Variants in IL7 observed in about 807,000 individuals in gnomAD.
The protein encoded by IL7 is interleukin-7.
Under a neutral mutation model 21.6 loss-of-function variants are expected in IL7, and 3 were observed. The ratio of observed to expected loss-of-function variants is 0.14; its 90% CI spans 0.06 to 0.36. IL7 has a LOEUF of 0.36. IL7 is among the 10% of genes least tolerant of loss of function. The pLI is 1.00. For synonymous variants in IL7, 62 were observed against 68.1 expected (o/e 0.91, Z 0.44); for missense variants, 175 against 200.2 (o/e 0.87, Z 0.76).
chr8:78,745,341 C>T (rs546075847), intron 2 of IL7, among the ~76,000 whole-genome samples: 2 of 152,254 alleles, frequency 1.3e-5, no homozygotes, highest in African/African-American at 4.8e-5. Flanking sequence ...CACACAATTT[C>T]GTTTTGTGTG....
chr8:78,764,145 A>G (rs1252947001), intron 2 of IL7, among the ~76,000 whole-genome samples: 1 of 152,112 alleles, frequency 6.6e-6, no homozygotes, highest in African/African-American at 2.4e-5. Context: ...AACATTCAAC[A>G]CCCATTCATG....
rs191767044 is a variant in IL7 at position 78,785,121 on chromosome 8, C to T, written c.147+12951G>A. Among the ~76,000 whole-genome samples the T allele has an allele frequency of 6.6e-5, 10 of 152,152 alleles. No individual in the cohort carries two copies. The East Asian group carries it at 1.9e-3, about 30-fold the overall frequency. ...ATTTCCACCTTTAGAATTATTCTTC[C>T]TTGCTCTTGAAATTCAGTCACTTTT... On this transcript the variant is annotated intron_variant, in intron 2 of 5. Transcript: ENST00000263851.
chr8:78,763,229 G>A (rs529544037), intron 2 of IL7, among the ~76,000 whole-genome samples: 2 of 152,268 alleles, frequency 1.3e-5, no homozygotes, highest in East Asian at 1.9e-4. Context: ...TAATCTTCAC[G>A]CCCCCAGCCT....
At chr8:78,692,459 C>T (rs1321493024) in intron 3 of IL7, among the ~76,000 whole-genome samples, 1 of 152,158 alleles carries the variant, frequency 6.6e-6, no homozygotes, top group African/African-American at 2.4e-5. Flanking sequence ...CATGTTTTCT[C>T]TTTCTTTGCT....
intron 2 of IL7, among the ~76,000 whole-genome samples, chr8:78,772,553 C>T (rs781178891): frequency 6.6e-6 from 1 of 152,028 alleles, no homozygotes. Flanking sequence ...CACAGTAAGT[C>T]CTCATCTAAC....
At chr8:78,689,498 T>C in intron 3 of IL7, 1 of 807,088 alleles carries the variant, frequency 1.2e-6, no homozygotes, top group Admixed American at 4.0e-5. Flanking sequence ...ATATATAGTT[T>C]TATATATCTA....
intron 1 of IL7, among the ~76,000 whole-genome samples, chr8:78,799,565 T>A (rs1813981665): frequency 6.6e-6 from 1 of 152,066 alleles, no homozygotes; most frequent in African/African-American, 2.4e-5. Context: ...ATGAATTAAC[T>A]TAGGAGACAG....
At chr8:78,773,234 C>G (rs1311837119) in intron 2 of IL7, among the ~76,000 whole-genome samples, 1 of 152,184 alleles carries the variant, frequency 6.6e-6, no homozygotes, top group East Asian at 1.9e-4. Flanking sequence ...TCGACATACC[C>G]ATTCACCCAG....
At chr8:78,766,131 T>C (rs1812746555) in intron 2 of IL7, among the ~76,000 whole-genome samples, 1 of 152,198 alleles carries the variant, frequency 6.6e-6, no homozygotes, top group African/African-American at 2.4e-5. Context: ...AAGGTAAAAC[T>C]AGAGACAGTA....
chr8:78,781,098 G>A (rs901671691), intron 2 of IL7, among the ~76,000 whole-genome samples: 3 of 151,778 alleles, frequency 2.0e-5, no homozygotes, highest in Non-Finnish European at 2.9e-5. Context: ...ACTATTTTGA[G>A]CCTATATGTG....
chr8:78,706,880 GA>G (rs929752672), intron 3 of IL7, among the ~76,000 whole-genome samples: 8 of 150,242 alleles, frequency 5.3e-5, no homozygotes, highest in Admixed American at 2.0e-4. Context: ...TATAGAAAAG[GA>G]AAAAAAAATC....
chr8:78,758,324 T>A (rs66722115), intron 2 of IL7, among the ~76,000 whole-genome samples: 6,759 of 152,218 alleles, frequency 0.044, 212 homozygotes, highest in Middle Eastern at 0.085. Flanking sequence ...TTTCTGAATG[T>A]TCTGTATATC....
At chr8:78,720,550 T>A (rs1811218870) in intron 5 of IL7, among the ~76,000 whole-genome samples, 1 of 151,892 alleles carries the variant, frequency 6.6e-6, no homozygotes, top group Non-Finnish European at 1.5e-5. Flanking sequence ...TTACGGCCTA[T>A]TCTTTTTAAG....
At chr8:78,785,447 T>G (rs1813478286) in intron 2 of IL7, among the ~76,000 whole-genome samples, 1 of 152,236 alleles carries the variant, frequency 6.6e-6, no homozygotes, top group African/African-American at 2.4e-5. Flanking sequence ...TTCTTGTTGT[T>G]GCTAACACTT....
chr8:78,698,413 G>C, intron 3 of IL7: 1 of 1,606,598 alleles, frequency 6.2e-7, no homozygotes, highest in Non-Finnish European at 8.5e-7. Context: ...TTTATTATAA[G>C]GTGTTCCTTC....
intron 4 of IL7, among the ~76,000 whole-genome samples, chr8:78,676,334 G>A (rs1273708549): frequency 6.6e-6 from 1 of 151,884 alleles, no homozygotes; most frequent in African/African-American, 2.4e-5. Context: ...TCTTATTTAT[G>A]TTTGAGATGT....
chr8:78,697,913 C>T (rs963829964), intron 3 of IL7, among the ~76,000 whole-genome samples: 40 of 152,160 alleles, frequency 2.6e-4, no homozygotes, highest in Non-Finnish European at 3.5e-4. Flanking sequence ...CTCCTGAACT[C>T]GTGATCCCCC....
chr8:78,803,294 G>A (rs1287028246), intron 1 of IL7, among the ~76,000 whole-genome samples: 1 of 152,166 alleles, frequency 6.6e-6, no homozygotes, highest in Non-Finnish European at 1.5e-5. Context: ...CTCCCGAGTA[G>A]AGTCTATTTT....
At chr8:78,803,226 A>G (rs865825044) in intron 1 of IL7, among the ~76,000 whole-genome samples, 2 of 152,252 alleles carry the variant, frequency 1.3e-5, no homozygotes, top group South Asian at 4.2e-4. Context: ...GGACAGTGGT[A>G]AGATCATGGC....
Sources: gnomAD v4.1 joint callset for allele counts (sites outside exome capture counted in the v4.1 genomes callset) on GRCh38, gnomAD v4.1.1 for gene constraint, MANE v1.5 for transcripts, NCBI Gene and HGNC (gene_info 2026-07-23, HGNC 2026-07-21) for gene names.